The following MYO16 variants were observed in gnomAD, a reference collection of about 807,000 sequenced individuals.
MYO16 encodes unconventional myosin-XVI.
In MYO16, 94 loss-of-function variants were observed where a neutral mutation model predicts 205.3. The observed-to-expected ratio is 0.46, with a 90% CI of 0.39 to 0.54. The LOEUF is 0.54. Ranked by LOEUF, MYO16 falls within the 20% of genes least tolerant of loss-of-function variation. The pLI, the probability that MYO16 is intolerant of heterozygous loss-of-function variation, is 0.00. For synonymous variants in MYO16, 988 were observed against 954.0 expected (o/e 1.04, Z -0.66); for missense variants, 2,315 against 2,387.5 (o/e 0.97, Z 0.63).
intron 32 of MYO16, among the ~76,000 whole-genome samples, chr13:109,161,817 G>A (rs570315998): frequency 9.2e-5 from 14 of 152,260 alleles, no homozygotes; most frequent in Middle Eastern, 3.4e-3. Context: ...CATGGTGGCC[G>A]AGCACAGTGG....
chr13:108,790,500 A>G lies in MYO16; in HGVS notation c.617-3016A>G, dbSNP rs138963698. Among the ~76,000 whole-genome samples, 141 of 152,340 alleles carry G rather than the reference A, an allele frequency of 9.3e-4. 1 individual carries two copies. The highest frequency in any genetic ancestry group is 3.2e-3 in the African/African-American group (134 of 41,592). On this transcript the variant is annotated intron_variant, in intron 5 of 34. Coordinates refer to ENST00000457511, the MANE Select transcript of MYO16 (RefSeq NM_001198950.3). ...TTCCATTAATTTGTTTTCAAAAAACAATACGAAAATCTATATTTTGTACAT... is the reference window on the plus strand; with the variant it reads ...TTCCATTAATTTGTTTTCAAAAAACGATACGAAAATCTATATTTTGTACAT...
intron 16 of MYO16, among the ~76,000 whole-genome samples, chr13:108,927,742 C>T (rs1882074720): frequency 1.3e-5 from 2 of 152,320 alleles, no homozygotes; most frequent in South Asian, 4.1e-4. Flanking sequence ...GAGCCCTGCA[C>T]AGGAATTCAA....
intron 4 of MYO16, among the ~76,000 whole-genome samples, chr13:108,767,363 A>G (rs1885814794): frequency 6.6e-6 from 1 of 152,078 alleles, no homozygotes; most frequent in South Asian, 2.1e-4. Context: ...CAGCCTCCCA[A>G]AGTGCTGGGA....
At chr13:108,550,212 G>C in the MYO16 span, among the ~76,000 whole-genome samples, 1 of 152,246 alleles carries the variant, frequency 6.6e-6, no homozygotes, top group African/African-American at 2.4e-5. Context: ...AGCTGCTGGG[G>C]GTGCTACTGC....
chr13:108,718,819 A>G (rs922488665), intron 3 of MYO16, among the ~76,000 whole-genome samples: 2 of 152,078 alleles, frequency 1.3e-5, no homozygotes, highest in Admixed American at 1.3e-4. Flanking sequence ...AGAATTTTAG[A>G]TCATTAGTGA....
intron 3 of MYO16, among the ~76,000 whole-genome samples, chr13:108,714,299 C>T (rs1371865923): frequency 6.6e-6 from 1 of 152,186 alleles, no homozygotes; most frequent in Non-Finnish European, 1.5e-5. Flanking sequence ...TCGTGATCCA[C>T]CCGCCTTGGC....
At chr13:109,165,477 G>T (rs1303697134) in intron 33 of MYO16, among the ~76,000 whole-genome samples, 1 of 152,192 alleles carries the variant, frequency 6.6e-6, no homozygotes, top group Non-Finnish European at 1.5e-5. Flanking sequence ...GCCACATTTA[G>T]AAAGTGGCTT....
the MYO16 span, among the ~76,000 whole-genome samples, chr13:108,545,448 A>G: frequency 1.3e-5 from 2 of 152,176 alleles, no homozygotes; most frequent in African/African-American, 4.8e-5. Flanking sequence ...TATTGTGAAT[A>G]GTGCTGTGAT....
chr13:108,972,202 C>A (rs1416792987), intron 20 of MYO16, among the ~76,000 whole-genome samples: 1 of 28,116 alleles, frequency 3.6e-5, no homozygotes, highest in East Asian at 2.0e-3. Context: ...AGACTGAGAC[C>A]CTGTCTCTCT....
At position 109,022,231 on chromosome 13, in the gene MYO16, A is replaced by G. The variant is rs1001261382; in HGVS notation, c.2796+2320A>G. Among the ~76,000 whole-genome samples, 97 of 135,752 alleles carry G rather than the reference A, an allele frequency of 7.1e-4. 4 individuals are homozygous for G. The highest frequency in any genetic ancestry group is 2.6e-3 in the African/African-American group (93 of 35,778). The allele number at this position is 135,752 out of a possible 152,430, so 89.1% of individuals were successfully genotyped here. A position where few individuals can be genotyped will look rare whatever the true frequency, so the allele number is the denominator to read the frequency against. On this transcript the variant is annotated intron_variant, in intron 23 of 34. Coordinates refer to ENST00000457511, the MANE Select transcript of MYO16 (RefSeq NM_001198950.3). ...TAATTTTTATATTTATATATTATAT[A>G]TATGTATATATTTATATATACAAAT...
At chr13:109,077,510 G>C (rs1888147285) in intron 27 of MYO16, among the ~76,000 whole-genome samples, 1 of 152,144 alleles carries the variant, frequency 6.6e-6, no homozygotes, top group Non-Finnish European at 1.5e-5. Flanking sequence ...AGAATCTGTG[G>C]TTTGCATGAG....
chr13:108,636,367 TTTTG>T (rs1317173881), intron 1 of MYO16, among the ~76,000 whole-genome samples: 19 of 58,518 alleles, frequency 3.2e-4, no homozygotes, highest in African/African-American at 8.9e-4. Flanking sequence ...TTTTTTTTTT[TTTTG>T]TGTGTGTGTG....
intron 33 of MYO16, among the ~76,000 whole-genome samples, chr13:109,174,727 T>C (rs539455543): frequency 6.6e-6 from 1 of 150,858 alleles, no homozygotes; most frequent in South Asian, 2.1e-4. Context: ...CTTGAAAGTC[T>C]CTTTCTCATT....
chr13:108,899,141 G>A (rs1880585932), intron 15 of MYO16, among the ~76,000 whole-genome samples: 1 of 152,144 alleles, frequency 6.6e-6, no homozygotes, highest in African/African-American at 2.4e-5. Context: ...AAAACAGTAT[G>A]AGCCTGGTGC....
intron 12 of MYO16, among the ~76,000 whole-genome samples, chr13:108,876,727 C>T (rs903541448): frequency 1.3e-5 from 2 of 148,738 alleles, no homozygotes; most frequent in African/African-American, 5.0e-5. Flanking sequence ...AGTGCAGTGG[C>T]ACAATCTTGG....
chr13:109,045,346 C>A (rs1259989107), intron 23 of MYO16, among the ~76,000 whole-genome samples: 1 of 152,156 alleles, frequency 6.6e-6, no homozygotes, highest in Non-Finnish European at 1.5e-5. Context: ...CAGAAACGAC[C>A]AAGTGTCCCC....
At chr13:109,033,317 T>A (rs954535510) in intron 23 of MYO16, among the ~76,000 whole-genome samples, 2 of 152,206 alleles carry the variant, frequency 1.3e-5, no homozygotes, top group East Asian at 3.8e-4. Flanking sequence ...AGACGGCTTC[T>A]CCTTTCACAT....
Position 108,876,676 on chromosome 13 carries a change from T to TTG in MYO16, c.1426-6382_1426-6381insGT, listed in dbSNP as rs1330319840. 2.6e-5 allele frequency among the ~76,000 whole-genome samples: 4 copies of TTG among 151,828 alleles called. No individual in the cohort carries two copies. In the East Asian group the frequency reaches 7.7e-4, roughly 29 times the overall value. ...AGTAACTATATTCTCTCTCTTTTTTTTTTTTTTTGAGATGAGATCTTAGTC... is the reference window on the plus strand; with the variant it reads ...AGTAACTATATTCTCTCTCTTTTTTTTGTTTTTTTTGAGATGAGATCTTAGTC... On this transcript the variant is annotated intron_variant, in intron 12 of 34. Transcript: ENST00000457511.
At chr13:108,745,577 T>C (rs1885034263) in intron 4 of MYO16, among the ~76,000 whole-genome samples, 1 of 152,102 alleles carries the variant, frequency 6.6e-6, no homozygotes, top group Non-Finnish European at 1.5e-5. Context: ...CAGATCAAAA[T>C]AGACTCTCAC....
Sources: gnomAD v4.1 joint callset for allele counts (sites outside exome capture counted in the v4.1 genomes callset) on GRCh38, gnomAD v4.1.1 for gene constraint, MANE v1.5 for transcripts, NCBI Gene and HGNC (gene_info 2026-07-23, HGNC 2026-07-21) for gene names.